The following TAS1R2 variants were observed in gnomAD, a reference collection of about 807,000 sequenced individuals.
TAS1R2 encodes the protein taste receptor type 1 member 2.
Under a neutral mutation model 49.3 loss-of-function variants are expected in TAS1R2, and 47 were observed. The observed-to-expected ratio is 0.95, with a 90% confidence interval of 0.75 to 1.22. The LOEUF (loss-of-function observed/expected upper bound fraction) is 1.22. Among genes scored for constraint, TAS1R2 ranks in the 50% most tolerant of loss-of-function variants. The probability of loss-of-function intolerance (pLI) is 0.00; values close to 1 mark genes in which losing one functional copy is unlikely to be tolerated. For synonymous variants in TAS1R2, 479 were observed against 467.9 expected (o/e 1.02, Z -0.31); for missense variants, 1,155 against 1,122.1 (o/e 1.03, Z -0.42).
intron 1 of TAS1R2, 81 bp downstream of exon 1, chr1:18,859,397 TG>T: frequency 6.5e-7 from 1 of 1,535,608 alleles, no homozygotes; most frequent in Non-Finnish European, 8.9e-7. Flanking sequence ...GGTCCTGGTC[TG>T]GCTCCCAAGG....
At chr1:18,859,421 A>C in intron 1 of TAS1R2, 58 bp downstream of exon 1, 1 of 1,600,690 alleles carries the variant, frequency 6.2e-7, no homozygotes, top group Non-Finnish European at 8.5e-7. Flanking sequence ...CCACAGGACC[A>C]GGCCTGGCCT....
chr1:18,839,827 G>A, exon 6 of TAS1R2: 1 of 1,614,264 alleles, frequency 6.2e-7, no homozygotes, highest in Non-Finnish European at 8.5e-7. Flanking sequence ...AGGTCATGCT[G>A]AGGGTGATGA....
intron 2 of TAS1R2, 28 bp from the exon 3 acceptor site, chr1:18,855,014 C>G: frequency 6.3e-7 from 1 of 1,586,456 alleles, no homozygotes; most frequent in Admixed American, 1.7e-5. Flanking sequence ...GTGGCATGAG[C>G]GAGTGCCCCG....
chr1:18,849,319 C>T (rs1933977446), intron 4 of TAS1R2, 22 bp downstream of exon 4: 1 of 1,612,332 alleles, frequency 6.2e-7, no homozygotes, highest in African/African-American at 1.3e-5. Context: ...GGCCTGCCCA[C>T]CCACCAGGCC....
Position 18,854,286 on chromosome 1 carries a change from A to ACAG in TAS1R2, c.1181_1183dup (p.Ala394dup), listed in dbSNP as rs1459109673. On this transcript the variant is annotated inframe_insertion, in exon 3 of 6. Coordinates refer to ENST00000375371, the Ensembl canonical transcript of TAS1R2. This position sits in a 1 kb window ranked among gnomAD's most constrained non-coding sequence, Gnocchi z 4.9. ...GAGGAGGCTGTGCAGGGCATGGGCC[A>ACAG]CAGCATAGACCGCAGAGTACACGCT... 6.2e-7 allele frequency: 1 copy of ACAG among 1,614,212 alleles called. No individual in the cohort carries two copies. Among genetic ancestry groups the ACAG allele is most frequent in the Middle Eastern group, 1.6e-4 (1 of 6,062 alleles).
intron 4 of TAS1R2, among the ~76,000 whole-genome samples, chr1:18,845,555 G>C (rs528400765): frequency 9.0e-4 from 137 of 152,354 alleles, no homozygotes; most frequent in African/African-American, 3.2e-3. Context: ...TCCACCAGCA[G>C]ACACTATAGG....
At chr1:18,853,005 G>A (rs945100425) in intron 3 of TAS1R2, among the ~76,000 whole-genome samples, 17 of 152,242 alleles carry the variant, frequency 1.1e-4, no homozygotes, top group African/African-American at 4.1e-4. Context: ...GCTGCTGGGA[G>A]AAGGAAAAAG....
At chr1:18,849,819 C>G (rs567618449) in intron 3 of TAS1R2, among the ~76,000 whole-genome samples, 4 of 152,304 alleles carry the variant, frequency 2.6e-5, no homozygotes, top group African/African-American at 9.6e-5. Flanking sequence ...CCCGTTTCCT[C>G]TTCTGCAAAG....
In TAS1R2 at chr1:18,852,525, T is replaced by C. The variant is rs544026412; in HGVS notation, c.1257+1688A>G. Among the ~76,000 whole-genome samples the C allele has an allele frequency of 1.6e-4, 24 of 152,322 alleles. 1 individual carries two copies. In the East Asian group the frequency reaches 4.2e-3, roughly 27 times the overall value. On this transcript the variant is annotated intron_variant, in intron 3 of 5. Transcript: ENST00000375371. ...CATAGGGTGGGCTGGGCTCCCTGCC[T>C]CTTGACTGCATCATCCCCAGCCCTA...
intron 4 of TAS1R2, among the ~76,000 whole-genome samples, chr1:18,842,071 A>G (rs1000131145): frequency 1.3e-5 from 2 of 152,234 alleles, no homozygotes; most frequent in Non-Finnish European, 2.9e-5. Context: ...TGTTCTCCTT[A>G]ACAAATGCCT....
Position 18,854,119 on chromosome 1 carries a change from TG to T in TAS1R2, c.1257+93del. 1 of 1,255,634 alleles carries T rather than the reference TG, an allele frequency of 8.0e-7. No homozygotes were observed. The highest frequency in any genetic ancestry group is 1.1e-6 in the Non-Finnish European group (1 of 909,162). The allele number at this position is 1,255,634 out of a possible 1,614,324, so 77.8% of individuals were successfully genotyped here. On this transcript the variant is annotated intron_variant, in intron 3 of 5. Transcript: ENST00000375371. This position sits in a 1 kb window ranked among gnomAD's most constrained non-coding sequence, Gnocchi z 4.9. ...GACTAGTGCTATGTGTCTGGAAGAA[TG>T]GGATACTCATGCCCTTTCACACCCA... is the stretch of plus-strand genomic sequence containing the variant.
At chr1:18,840,995 T>A (rs1295348297) in intron 5 of TAS1R2, among the ~76,000 whole-genome samples, 1 of 152,216 alleles carries the variant, frequency 6.6e-6, no homozygotes, top group Non-Finnish European at 1.5e-5. Context: ...CGCTATTGAC[T>A]GACTGTGGGA....
chr1:18,843,865 T>C (rs1020290823), intron 4 of TAS1R2, among the ~76,000 whole-genome samples: 14 of 152,202 alleles, frequency 9.2e-5, no homozygotes, highest in South Asian at 2.1e-4. Context: ...TAAAAACAAG[T>C]CTTCATATAA....
At chr1:18,853,743 A>G (rs1934074250) in intron 3 of TAS1R2, among the ~76,000 whole-genome samples, 1 of 152,184 alleles carries the variant, frequency 6.6e-6, no homozygotes, top group Non-Finnish European at 1.5e-5. Flanking sequence ...AACCTTCTAT[A>G]TCCCAGAAAG....
chr1:18,841,861 A>T lies in TAS1R2; in HGVS notation c.1468-9T>A, dbSNP rs1358460558. On this transcript the variant is annotated splice_polypyrimidine_tract_variant and intron_variant, in intron 4 of 5. Coordinates refer to ENST00000375371, the Ensembl canonical transcript of TAS1R2. Reference sequence around the variant, plus strand: ...CACATGGACATAGGGATCTGGAGGGAGGAGGGCAAGAGACCCTGAGTCCTC... The same window carrying T: ...CACATGGACATAGGGATCTGGAGGGTGGAGGGCAAGAGACCCTGAGTCCTC... 1 of 1,584,768 alleles carries T rather than the reference A, an allele frequency of 6.3e-7. No individual in the cohort carries two copies. The highest frequency in any genetic ancestry group is 1.7e-5 in the Admixed American group (1 of 59,238).
At position 18,854,953 on chromosome 1, in the gene TAS1R2, C is replaced by G. The variant is rs749792975; in HGVS notation, c.517G>C (p.Asp173His). ...AGCAAAGCCGGGAAGCGCACCTTGT[C>G]TCGCAGCTCATCGCTGATGGCGCTG... The change falls in exon 3 of 6, where the codon GAC becomes CAC. Residue 173 changes from aspartate (D) to histidine (H), a missense_variant. Coordinates refer to ENST00000375371, the Ensembl canonical transcript of TAS1R2. The surrounding 1 kb of genome is among the most constrained non-coding windows in gnomAD (Gnocchi z 4.9). The G allele has an allele frequency of 6.2e-6, 10 of 1,607,034 alleles. No homozygotes were observed. The highest frequency in any genetic ancestry group is 8.5e-6 in the Non-Finnish European group (10 of 1,174,104).
chr1:18,854,806 G>T lies in TAS1R2; in HGVS notation c.664C>A (p.Leu222Met). Residue 222 changes from leucine (L) to methionine (M), a missense_variant, in exon 3 of 6, where the codon CTG becomes ATG. Physicochemically the swap from Leu to Met is conservative, Grantham distance 15 (BLOSUM62 2). Transcript: ENST00000375371. The surrounding 1 kb of genome is among the most constrained non-coding windows in gnomAD (Gnocchi z 4.9). ...CGCCGGGCCACGCGCTCGCCAAGCA[G>T]CTGGCCATTGTCGCGGCCATAGGTG... 2 of 1,606,454 alleles carry T rather than the reference G, an allele frequency of 1.2e-6. No homozygotes were observed. Among genetic ancestry groups the T allele is most frequent in the Non-Finnish European group, 1.7e-6 (2 of 1,178,970 alleles).
chr1:18,849,480 T>G, exon 4 of TAS1R2: 2 of 1,614,216 alleles, frequency 1.2e-6, no homozygotes, highest in South Asian at 1.1e-5. Context: ...CAGAGCCACG[T>G]CCCCTTGCGG....
At chr1:18,841,841 G>C in exon 5 of TAS1R2, 1 of 1,608,646 alleles carries the variant, frequency 6.2e-7, no homozygotes, top group Non-Finnish European at 8.5e-7. Flanking sequence ...TGGAACACAT[G>C]GACATAGGGA....
Sources: allele counts gnomAD v4.1 joint callset (sites outside exome capture counted in the v4.1 genomes callset), GRCh38; gene constraint gnomAD v4.1.1; non-coding constraint Gnocchi (gnomAD v3.1); transcripts MANE v1.5; gene names NCBI Gene and HGNC (gene_info 2026-07-23, HGNC 2026-07-21).